Variants in NRG3 observed in about 807,000 individuals in gnomAD.
The protein encoded by NRG3 is pro-neuregulin-3, membrane-bound isoform.
NRG3 carries 31 observed loss-of-function variants against 66.9 expected under a neutral mutation model. That is an observed-to-expected ratio of 0.46 (90% CI 0.35 to 0.63). The LOEUF (loss-of-function observed/expected upper bound fraction) is 0.63, where lower values mean the gene tolerates loss of function less well. NRG3 is among the 20% of genes least tolerant of loss of function. The probability of loss-of-function intolerance (pLI) is 0.00; values close to 1 mark genes in which losing one functional copy is unlikely to be tolerated. For missense variants in NRG3, 910 were observed against 878.9 expected (o/e 1.04, Z -0.45); for synonymous variants, 393 against 359.4 (o/e 1.09, Z -1.06).
intron 1 of NRG3, among the ~76,000 whole-genome samples, chr10:82,267,723 G>A (rs2078375559): frequency 6.6e-6 from 1 of 152,170 alleles, no homozygotes; most frequent in Admixed American, 6.6e-5. Flanking sequence ...TGCTGGATGA[G>A]GTCATTAGAT....
chr10:82,408,517 T>C lies in NRG3; in HGVS notation c.953+49649T>C, dbSNP rs2087796076. Among the ~76,000 whole-genome samples the C allele has an allele frequency of 6.6e-5, 10 of 152,068 alleles. No homozygotes were observed. The South Asian group carries it at 2.1e-3, about 32-fold the overall frequency. On this transcript the variant is annotated intron_variant, in intron 2 of 8. Transcript: ENST00000372141. The stretch of plus-strand genomic sequence containing the variant: ...ATCTTTTCACATGAAGTTAAATGGT[T>C]AAATTTATAAAGTTATTACATATTA...
intron 2 of NRG3, among the ~76,000 whole-genome samples, chr10:82,583,345 C>T (rs1055965705): frequency 3.7e-4 from 56 of 152,182 alleles, no homozygotes; most frequent in Non-Finnish European, 1.0e-4. Context: ...ATTTTCTCCA[C>T]TAATGCCATA....
chr10:82,235,607 A>T (rs1017837739), intron 1 of NRG3, among the ~76,000 whole-genome samples: 1 of 152,058 alleles, frequency 6.6e-6, no homozygotes, highest in Non-Finnish European at 1.5e-5. Flanking sequence ...CTAGCACTTT[A>T]TCTCTCATAG....
At chr10:81,878,597 T>G (rs1841896288) in intron 1 of NRG3, among the ~76,000 whole-genome samples, 2 of 152,210 alleles carry the variant, frequency 1.3e-5, no homozygotes, top group South Asian at 2.1e-4. Context: ...TGTTCATATT[T>G]TTTTTACTTG....
chr10:82,117,673 C>T (rs1182969138), intron 1 of NRG3, among the ~76,000 whole-genome samples: 1 of 151,980 alleles, frequency 6.6e-6, no homozygotes, highest in Non-Finnish European at 1.5e-5. Context: ...TGAGGCATTG[C>T]CCAGAGTGTC....
chr10:82,642,621 A>C (rs1451412574), intron 2 of NRG3, among the ~76,000 whole-genome samples: 1 of 151,882 alleles, frequency 6.6e-6, no homozygotes, highest in East Asian at 1.9e-4. Flanking sequence ...GAAAAAAAAA[A>C]CCCTGGTTCT....
At chr10:82,477,884 G>C (rs926710604) in intron 2 of NRG3, among the ~76,000 whole-genome samples, 19 of 152,302 alleles carry the variant, frequency 1.2e-4, no homozygotes, top group African/African-American at 4.3e-4. Context: ...GACTCCGGGA[G>C]AGTCTGCAAT....
At chr10:82,078,744 A>G (rs1201098565) in intron 1 of NRG3, among the ~76,000 whole-genome samples, 2 of 152,208 alleles carry the variant, frequency 1.3e-5, no homozygotes, top group East Asian at 3.8e-4. Context: ...ATATTTTTTA[A>G]ACTGCGATAG....
intron 2 of NRG3, among the ~76,000 whole-genome samples, chr10:82,648,356 T>G (rs1381966461): frequency 6.6e-6 from 1 of 151,950 alleles, no homozygotes; most frequent in Admixed American, 6.6e-5. Context: ...TCTGTTCCAT[T>G]GATCTATATC....
At chr10:82,020,830 G>T (rs766150719) in intron 1 of NRG3, among the ~76,000 whole-genome samples, 57 of 151,978 alleles carry the variant, frequency 3.8e-4, no homozygotes, top group Non-Finnish European at 7.4e-4. Context: ...TTCCAATCCG[G>T]TTGCAGCAAT....
intron 1 of NRG3, among the ~76,000 whole-genome samples, chr10:82,351,146 G>C (rs547864525): frequency 1.3e-5 from 2 of 151,986 alleles, no homozygotes; most frequent in South Asian, 2.1e-4. Context: ...TGCCCGCCTC[G>C]GCCTCCCAAA....
At chr10:82,687,467 G>T (rs756479622) in intron 2 of NRG3, among the ~76,000 whole-genome samples, 1 of 152,086 alleles carries the variant, frequency 6.6e-6, no homozygotes, top group African/African-American at 2.4e-5. Flanking sequence ...ATAATTATTA[G>T]ATATAAACTG....
At chr10:82,081,920 TG>T (rs2065420647) in intron 1 of NRG3, among the ~76,000 whole-genome samples, 1 of 152,142 alleles carries the variant, frequency 6.6e-6, no homozygotes, top group African/African-American at 2.4e-5. Context: ...CTAGAGAGGC[TG>T]AGGTAGGAGG....
intron 4 of NRG3, among the ~76,000 whole-genome samples, chr10:82,903,490 A>G (rs917024781): frequency 6.6e-6 from 1 of 152,180 alleles, no homozygotes; most frequent in Non-Finnish European, 1.5e-5. Flanking sequence ...TCCTGACATT[A>G]TAAGAAAAAG....
At chr10:82,453,244 A>G (rs140158692) in intron 2 of NRG3, among the ~76,000 whole-genome samples, 2 of 152,254 alleles carry the variant, frequency 1.3e-5, no homozygotes, top group African/African-American at 2.4e-5. Flanking sequence ...TTATTTATTT[A>G]TCTTACCTTA....
chr10:82,005,022 C>T (rs934889090), intron 1 of NRG3, among the ~76,000 whole-genome samples: 1 of 152,244 alleles, frequency 6.6e-6, no homozygotes, highest in Non-Finnish European at 1.5e-5. Flanking sequence ...ATTGTTACAA[C>T]AGCCTGAGGT....
chr10:82,402,692 G>T (rs1258341140), intron 2 of NRG3, among the ~76,000 whole-genome samples: 1 of 151,998 alleles, frequency 6.6e-6, no homozygotes, highest in Non-Finnish European at 1.5e-5. Context: ...AATTTTAAAA[G>T]AAATCAATAA....
In NRG3 at chr10:82,738,656, T is replaced by C. The variant is rs1433350650; in HGVS notation, c.1027+6T>C. The C allele has an allele frequency of 6.2e-7, 1 of 1,613,294 alleles. No homozygotes were observed. Among genetic ancestry groups the C allele is most frequent in the Non-Finnish European group, 8.5e-7 (1 of 1,179,264 alleles). Reference sequence around the variant, plus strand: ...TTCCATCTTATCGGATCCAAGTAGGTCAAGCATTTTTCTTCTCTCTAATGC... The same window carrying C: ...TTCCATCTTATCGGATCCAAGTAGGCCAAGCATTTTTCTTCTCTCTAATGC... On this transcript the variant is annotated splice_donor_region_variant and intron_variant, in intron 3 of 8. Transcript: ENST00000372141.
At chr10:82,121,063 T>C (rs749239076) in intron 1 of NRG3, among the ~76,000 whole-genome samples, 12 of 152,148 alleles carry the variant, frequency 7.9e-5, no homozygotes, top group Non-Finnish European at 1.6e-4. Context: ...TCTCCATCAT[T>C]CCAGTTACTC....
Sources: gnomAD v4.1 joint callset for allele counts (sites outside exome capture counted in the v4.1 genomes callset) on GRCh38, gnomAD v4.1.1 for gene constraint, MANE v1.5 for transcripts, NCBI Gene and HGNC (gene_info 2026-07-23, HGNC 2026-07-21) for gene names.